Variants in BFAR observed in about 807,000 individuals in gnomAD.
BFAR encodes RING finger protein 47.
A neutral mutation model predicts 54.4 loss-of-function variants in BFAR; 52 were observed. That is an observed-to-expected ratio of 0.96 (90% CI 0.77 to 1.21). The LOEUF (loss-of-function observed/expected upper bound fraction) is 1.21, where lower values mean the gene tolerates loss of function less well. BFAR is among the 50% of genes most tolerant of loss of function. BFAR has a pLI of 0.00. For missense variants in BFAR, 571 were observed against 534.0 expected (o/e 1.07, Z -0.68); for synonymous variants, 215 against 204.3 (o/e 1.05, Z -0.45).
chr16:14,664,810 A>G, intron 6 of BFAR, 59 bp from the exon 7 acceptor site: 1 of 1,517,236 alleles, frequency 6.6e-7, no homozygotes, highest in Non-Finnish European at 9.1e-7. Flanking sequence ...TGATCATCAC[A>G]ATATTTTGTG....
intron 3 of BFAR, 133 bp from the exon 4 acceptor site, chr16:14,649,671 C>G (rs887422501): frequency 2.7e-6 from 2 of 743,438 alleles, no homozygotes; most frequent in Non-Finnish European, 4.1e-6. Context: ...CTTTTGTTGC[C>G]CTGCTTCTGT....
intron 3 of BFAR, 49 bp downstream of exon 3, chr16:14,648,641 G>A (rs777850307): frequency 1.5e-5 from 21 of 1,407,292 alleles, no homozygotes; most frequent in African/African-American, 3.1e-5. Context: ...CTCACCCCCC[G>A]ACCCCTGATT....
chr16:14,649,832 G>T lies in BFAR; in HGVS notation c.497G>T (p.Ser166Ile). The change falls in exon 4 of 8, where the codon AGC becomes ATC. Residue 166 changes from serine (S) to isoleucine (I), a missense_variant. Coordinates refer to ENST00000261658, the MANE Select transcript of BFAR (RefSeq NM_016561.3). ...AVVLLVYHWSSRESEHDLLVH... is the reference protein window; with the variant it reads ...AVVLLVYHWSIRESEHDLLVH... The stretch of plus-strand genomic sequence containing the variant: ...GTCCTGCTCGTCTATCACTGGAGCA[G>T]CAGGGAATCTGAACACGACCTCCTG... 1 of 1,610,586 alleles carries T rather than the reference G, an allele frequency of 6.2e-7. No individual in the cohort carries two copies. The highest frequency in any genetic ancestry group is 8.5e-7 in the Non-Finnish European group (1 of 1,177,960).
At chr16:14,667,592 A>G in intron 7 of BFAR, 43 bp from the exon 8 acceptor site, 1 of 1,574,144 alleles carries the variant, frequency 6.4e-7, no homozygotes, top group Non-Finnish European at 8.7e-7. Flanking sequence ...GGGTGTGGTC[A>G]TGAGAAGCGC....
intron 1 of BFAR, among the ~76,000 whole-genome samples, chr16:14,642,705 G>T (rs57285271): frequency 6.6e-6 from 1 of 152,112 alleles, no homozygotes; most frequent in Admixed American, 6.6e-5. Context: ...GGAATTGCTC[G>T]CATTAGAGCC....
chr16:14,649,883 C>G lies in BFAR; in HGVS notation c.548C>G (p.Thr183Arg). ...GTCCACAAGGCTGTGGCCAAATGGA[C>G]GGCGGAAGAAGTTGTCCTCTGGCTG... ...LLVHKAVAKW[T>R]AEEVVLWLEQ... The change falls in exon 4 of 8, where the codon ACG (threonine) becomes AGG (arginine). Residue 183 changes from threonine to arginine, a missense_variant. By Grantham distance (71) the Thr-to-Arg change is moderately conservative. Transcript: ENST00000261658. 1 of 1,613,338 alleles carries G rather than the reference C, an allele frequency of 6.2e-7. No individual in the cohort carries two copies. The highest frequency in any genetic ancestry group is 1.1e-5 in the South Asian group (1 of 90,866).
At chr16:14,652,937 T>C (rs1960016955) in intron 4 of BFAR, among the ~76,000 whole-genome samples, 1 of 152,164 alleles carries the variant, frequency 6.6e-6, no homozygotes, top group Non-Finnish European at 1.5e-5. Context: ...CCTACTCCAG[T>C]GACTTTTTCT....
intron 5 of BFAR, 130 bp downstream of exon 5, chr16:14,655,340 G>GAGAC (rs1960099502): frequency 3.6e-6 from 3 of 824,990 alleles, no homozygotes; most frequent in Middle Eastern, 4.3e-4. Context: ...ATTTTATTTT[G>GAGAC]AGACAGAGTC....
rs577487748 is a variant in BFAR at position 14,642,981 on chromosome 16, G to A, written c.-73-1293G>A. ...ACTCGAGTTCAGGAGTTCGAGACCA[G>A]CCTGGCCAACATGGTGAAAACCCAC... On this transcript the variant is annotated intron_variant, in intron 1 of 7. Coordinates refer to ENST00000261658, the MANE Select transcript of BFAR (RefSeq NM_016561.3). Among the ~76,000 whole-genome samples the A allele has an allele frequency of 2.4e-4, 37 of 152,228 alleles. No homozygotes were observed. The South Asian group carries it at 6.2e-3, about 26-fold the overall frequency.
Position 14,668,234 on chromosome 16 carries a change from G to T in BFAR, c.*407G>T. The T allele has an allele frequency of 1.0e-5, 2 of 196,270 alleles. No individual in the cohort carries two copies. Among genetic ancestry groups the T allele is most frequent in the South Asian group, 1.5e-4 (1 of 6,512 alleles). The allele number at this position is 196,270 out of a possible 1,614,324, so 12.2% of individuals were successfully genotyped here. ...TCCGGATCTCAGAGCCTGAGACCAGGTTTATTGGGGCCTGGCCTGTCCTCT... is the reference window on the plus strand; with the variant it reads ...TCCGGATCTCAGAGCCTGAGACCAGTTTTATTGGGGCCTGGCCTGTCCTCT... On this transcript the variant is annotated 3_prime_UTR_variant, in exon 8 of 8. Coordinates refer to ENST00000261658, the MANE Select transcript of BFAR (RefSeq NM_016561.3).
At chr16:14,647,340 CTCCCAA>C (rs1959830079) in intron 2 of BFAR, among the ~76,000 whole-genome samples, 2 of 151,128 alleles carry the variant, frequency 1.3e-5, no homozygotes, top group African/African-American at 4.9e-5. Context: ...CCACCTCGGC[CTCCCAA>C]AGTGCTGGGA....
chr16:14,651,181 C>T (rs1174287864), intron 4 of BFAR, among the ~76,000 whole-genome samples: 6 of 152,196 alleles, frequency 3.9e-5, no homozygotes, highest in Non-Finnish European at 8.8e-5. Context: ...CTGACTAATT[C>T]TAGTCAGAAA....
intron 1 of BFAR, among the ~76,000 whole-genome samples, chr16:14,633,695 C>CA (rs1385631636): frequency 6.6e-6 from 1 of 152,182 alleles, no homozygotes; most frequent in Non-Finnish European, 1.5e-5. Flanking sequence ...CCCTGCCGCC[C>CA]AGGCTGGAGT....
intron 4 of BFAR, among the ~76,000 whole-genome samples, chr16:14,652,315 T>C (rs1284241611): frequency 3.3e-5 from 5 of 151,924 alleles, no homozygotes; most frequent in Non-Finnish European, 1.5e-5. Flanking sequence ...AGTCTTACTC[T>C]GTCTCCCAGG....
intron 5 of BFAR, among the ~76,000 whole-genome samples, chr16:14,659,751 C>T (rs957866102): frequency 6.6e-6 from 1 of 151,796 alleles, no homozygotes; most frequent in Non-Finnish European, 1.5e-5. Flanking sequence ...GGGATTTCAC[C>T]GTTTTAGCCA....
At chr16:14,649,070 CTTTT>C (rs544187036) in intron 3 of BFAR, among the ~76,000 whole-genome samples, 4 of 104,472 alleles carry the variant, frequency 3.8e-5, no homozygotes, top group Admixed American at 1.0e-4. Context: ...ATCTCTTGCT[CTTTT>C]TTTTTTTTTT....
intron 5 of BFAR, among the ~76,000 whole-genome samples, chr16:14,658,714 C>T (rs1179140862): frequency 8.6e-5 from 13 of 150,484 alleles, no homozygotes; most frequent in Admixed American, 2.0e-4. Flanking sequence ...GCCTGGGTGG[C>T]AGACCGAGAC....
intron 1 of BFAR, among the ~76,000 whole-genome samples, chr16:14,637,319 G>A (rs1055365378): frequency 5.3e-5 from 8 of 152,078 alleles, no homozygotes; most frequent in African/African-American, 1.9e-4. Context: ...ACTTTATCAG[G>A]ATAATGGCGT....
chr16:14,635,821 G>A (rs1227621355), intron 1 of BFAR, among the ~76,000 whole-genome samples: 1 of 151,526 alleles, frequency 6.6e-6, no homozygotes, highest in African/African-American at 2.4e-5. Flanking sequence ...TAGTAGATAC[G>A]GGGTTTCACC....
Sources: gnomAD v4.1 joint callset for allele counts (sites outside exome capture counted in the v4.1 genomes callset) on GRCh38, gnomAD v4.1.1 for gene constraint, MANE v1.5 for transcripts, NCBI Gene and HGNC (gene_info 2026-07-23, HGNC 2026-07-21) for gene names.